Variants in AGAP1 observed in about 807,000 individuals in gnomAD.
The protein encoded by AGAP1 is arf-GAP with GTPase, ANK repeat and PH domain-containing protein 1.
In AGAP1, 29 loss-of-function variants were observed where a neutral mutation model predicts 105.3. The ratio of observed to expected loss-of-function variants is 0.28; its 90% confidence interval spans 0.21 to 0.38. The LOEUF (loss-of-function observed/expected upper bound fraction) is 0.38. AGAP1 is among the 10% of genes least tolerant of loss of function. The pLI is 1.00. For synonymous variants in AGAP1, 509 were observed against 485.9 expected, an observed-to-expected ratio of 1.05 and a Z score of -0.63; for missense variants, 998 against 1,165.1, an observed-to-expected ratio of 0.86 and a Z score of 2.09.
chr2:236,003,270 C>G lies in AGAP1; in HGVS notation c.1646-33291C>G, dbSNP rs2056199069. The stretch of plus-strand genomic sequence containing the variant: ...ATGTTGCCCAGGCTGGTCTCGAACT[C>G]CTGGCCTCAGGTGATCTGCCTGCCT... On this transcript the variant is annotated intron_variant, in intron 13 of 17. Coordinates refer to ENST00000304032, the MANE Select transcript of AGAP1 (RefSeq NM_001037131.3). This position sits in a 1 kb window ranked among gnomAD's most constrained non-coding sequence, Gnocchi z 4.2. Among the ~76,000 whole-genome samples the G allele has an allele frequency of 6.6e-6, 1 of 152,186 alleles. No homozygotes were observed. Among genetic ancestry groups the G allele is most frequent in the Non-Finnish European group, 1.5e-5 (1 of 68,034 alleles).
rs1203989351 is a variant in AGAP1 at position 235,690,010 on chromosome 2, A to G, written c.164-19169A>G. Among the ~76,000 whole-genome samples, 2 of 152,154 alleles carry G rather than the reference A, an allele frequency of 1.3e-5. No individual in the cohort carries two copies. The highest frequency in any genetic ancestry group is 2.4e-5 in the African/African-American group (1 of 41,430). On this transcript the variant is annotated intron_variant, in intron 1 of 17. Coordinates refer to ENST00000304032, the MANE Select transcript of AGAP1 (RefSeq NM_001037131.3). The surrounding 1 kb of genome is among the most constrained non-coding windows in gnomAD (Gnocchi z 4.1). ...ATCGCGTTGTTGCATGCGTTTGATG[A>G]AAGTGATATCACAGCAAATGCAAAG...
At chr2:235,820,765 A>C (rs1958745528) in intron 9 of AGAP1, among the ~76,000 whole-genome samples, 1 of 152,258 alleles carries the variant, frequency 6.6e-6, no homozygotes, top group Non-Finnish European at 1.5e-5. Context: ...GCAATGAGGA[A>C]CCACGAGAAG....
chr2:235,670,921 C>G, intron 1 of AGAP1: 1 of 1,337,674 alleles, frequency 7.5e-7, no homozygotes, highest in Non-Finnish European at 9.5e-7. Flanking sequence ...TCTTCGCGCG[C>G]AGGGACGGGG....
At chr2:235,767,261 AT>A (rs1200530805) in intron 6 of AGAP1, among the ~76,000 whole-genome samples, 3 of 141,658 alleles carry the variant, frequency 2.1e-5, no homozygotes, top group Non-Finnish European at 4.8e-5. Context: ...TTAGCCCATC[AT>A]TCTCTCTTAA....
intron 1 of AGAP1, among the ~76,000 whole-genome samples, chr2:235,513,240 C>CCGGGCGCTGGCG (rs1553555372): frequency 2.4e-4 from 37 of 151,376 alleles, no homozygotes; most frequent in Non-Finnish European, 5.5e-4. Context: ...GATCACTGTG[C>CCGGGCGCTGGCG]CGGGCGCGGG....
At position 235,799,236 on chromosome 2, in the gene AGAP1, C is replaced by T. The variant is rs374830399; in HGVS notation, c.802-131C>T. 1.5e-4 allele frequency: 149 copies of T among 1,008,004 alleles called. 1 individual carries two copies. The African/African-American group carries it at 1.5e-3, about 10-fold the overall frequency. 62.4% of individuals were successfully genotyped at this position (1,008,004 alleles called of 1,614,324 possible). A position where few individuals can be genotyped will look rare whatever the true frequency, so the allele number is the denominator to read the frequency against. ...CTAATACACCTGGCAAAGCCATAGA[C>T]GCAAGTCAGCCATTCCCATGCATCC... is the stretch of plus-strand genomic sequence containing the variant. On this transcript the variant is annotated intron_variant, in intron 7 of 17. Transcript: ENST00000304032. This position sits in a 1 kb window ranked among gnomAD's most constrained non-coding sequence, Gnocchi z 5.0.
chr2:235,874,211 C>T lies in AGAP1; in HGVS notation c.1051-9134C>T, dbSNP rs2049594207. Among the ~76,000 whole-genome samples the T allele has an allele frequency of 6.6e-6, 1 of 152,026 alleles. No individual in the cohort carries two copies. Among genetic ancestry groups the T allele is most frequent in the African/African-American group, 2.4e-5 (1 of 41,380 alleles). ...GTCTACAGGCGCACACCACCATGCCCAGCTAATTTTTTGCATTTTACTAGA... is the reference window on the plus strand; with the variant it reads ...GTCTACAGGCGCACACCACCATGCCTAGCTAATTTTTTGCATTTTACTAGA... On this transcript the variant is annotated intron_variant, in intron 9 of 17. Transcript: ENST00000304032. This position sits in a 1 kb window ranked among gnomAD's most constrained non-coding sequence, Gnocchi z 4.5.
rs1401472887 is a variant in AGAP1, at chr2:236,123,127, G to A, written c.2371-792G>A. On this transcript the variant is annotated intron_variant, in intron 17 of 17. Transcript: ENST00000304032. The surrounding 1 kb of genome is among the most constrained non-coding windows in gnomAD (Gnocchi z 4.6). ...CTCACTCTGTTGCCCAGGCTGGAGTGCAGTGGTGTGATGTCGGCCCACGGC... is the reference window on the plus strand; with the variant it reads ...CTCACTCTGTTGCCCAGGCTGGAGTACAGTGGTGTGATGTCGGCCCACGGC... Among the ~76,000 whole-genome samples the A allele has an allele frequency of 6.6e-6, 1 of 152,196 alleles. No individual in the cohort carries two copies. The highest frequency in any genetic ancestry group is 2.4e-5 in the African/African-American group (1 of 41,438).
rs904906097 is a variant in AGAP1 at position 236,109,143 on chromosome 2, C to T, written c.2115-11049C>T. 6.0e-5 allele frequency among the ~76,000 whole-genome samples: 9 copies of T among 150,006 alleles called. No individual in the cohort carries two copies. The highest frequency in any genetic ancestry group is 1.5e-4 in the African/African-American group (6 of 39,376). ...TTGTGTGTAGGTGTGACTCTCCCCG[C>T]GCTCTCCAGGTGTCCCCAGAGGTCT... On this transcript the variant is annotated intron_variant, in intron 16 of 17. Transcript: ENST00000304032. This position sits in a 1 kb window ranked among gnomAD's most constrained non-coding sequence, Gnocchi z 5.4.
At position 235,977,603 on chromosome 2, in the gene AGAP1, C is replaced by T. The variant is rs541160362; in HGVS notation, c.1645+8980C>T. Among the ~76,000 whole-genome samples the T allele has an allele frequency of 6.6e-6, 1 of 152,242 alleles. No individual in the cohort carries two copies. The highest frequency in any genetic ancestry group is 2.1e-4 in the South Asian group (1 of 4,806). On this transcript the variant is annotated intron_variant, in intron 13 of 17. Transcript: ENST00000304032. This position sits in a 1 kb window ranked among gnomAD's most constrained non-coding sequence, Gnocchi z 5.2. ...TGTTAGACACATGCGGCCTGGGCTT[C>T]AGGAAGTAGAGATGCCCGGGGGTTA...
rs76321636 is a variant in AGAP1, at chr2:236,012,599, C to T, written c.1646-23962C>T. On this transcript the variant is annotated intron_variant, in intron 13 of 17. Transcript: ENST00000304032. The surrounding 1 kb of genome is among the most constrained non-coding windows in gnomAD (Gnocchi z 4.9). ...CGGTGGGTACCTGAAGATCCTTTTC[C>T]CAGGTTTGGAGTTACCTGAGACAGA... is the stretch of plus-strand genomic sequence containing the variant. 1.5e-3 allele frequency among the ~76,000 whole-genome samples: 224 copies of T among 152,156 alleles called. 3 individuals carry two copies. In the East Asian group the frequency reaches 0.032, roughly 22 times the overall value.
chr2:236,007,647 A>G (rs2056367268), intron 13 of AGAP1, among the ~76,000 whole-genome samples: 1 of 152,264 alleles, frequency 6.6e-6, no homozygotes, highest in African/African-American at 2.4e-5. Context: ...TGTTTAAGAA[A>G]AAAGAACCAA....
rs1050733601 is a variant in AGAP1 at position 235,621,414 on chromosome 2, A to C, written c.164-87765A>C. Reference sequence around the variant, plus strand: ...TCTACCTCCCAGAGTGGTTGGGGTTACGTGAAGTAAGCTTAGACACGGCCG... The same window carrying C: ...TCTACCTCCCAGAGTGGTTGGGGTTCCGTGAAGTAAGCTTAGACACGGCCG... On this transcript the variant is annotated intron_variant, in intron 1 of 17. Coordinates refer to ENST00000304032, the MANE Select transcript of AGAP1 (RefSeq NM_001037131.3). The surrounding 1 kb of genome is among the most constrained non-coding windows in gnomAD (Gnocchi z 4.1). 3.3e-5 allele frequency among the ~76,000 whole-genome samples: 5 copies of C among 152,198 alleles called. No homozygotes were observed. Among genetic ancestry groups the C allele is most frequent in the African/African-American group, 1.2e-4 (5 of 41,446 alleles).
In AGAP1 at chr2:235,653,357, G is replaced by T. The variant is rs553893170; in HGVS notation, c.164-55822G>T. Reference sequence around the variant, plus strand: ...CGGGCACCTGTGGTCCCAGCTACTCGGGAGGCTGAGGCAGGAGAATGGCAT... The same window carrying T: ...CGGGCACCTGTGGTCCCAGCTACTCTGGAGGCTGAGGCAGGAGAATGGCAT... On this transcript the variant is annotated intron_variant, in intron 1 of 17. Transcript: ENST00000304032. Among the ~76,000 whole-genome samples the T allele has an allele frequency of 5.9e-5, 9 of 151,570 alleles. No individual in the cohort carries two copies. In the South Asian group the frequency reaches 1.7e-3, roughly 28 times the overall value.
chr2:235,770,710 A>T (rs931567780), intron 6 of AGAP1, among the ~76,000 whole-genome samples: 4 of 151,744 alleles, frequency 2.6e-5, no homozygotes, highest in Non-Finnish European at 5.9e-5. Flanking sequence ...GTGGATTTTG[A>T]GAAAAAAATT....
chr2:235,497,787 G>A (rs761846251), intron 1 of AGAP1, among the ~76,000 whole-genome samples: 3 of 152,110 alleles, frequency 2.0e-5, no homozygotes, highest in Admixed American at 6.5e-5. Context: ...TAGTAGAGAC[G>A]GGGTTTCATT....
At chr2:236,034,816 C>T (rs1473800022) in intron 13 of AGAP1, among the ~76,000 whole-genome samples, 3 of 152,216 alleles carry the variant, frequency 2.0e-5, no homozygotes, top group African/African-American at 7.2e-5. Context: ...GGCACAGTGG[C>T]TGTCAGCACC....
chr2:235,952,273 G>A (rs542886201), intron 12 of AGAP1, among the ~76,000 whole-genome samples: 28 of 82,840 alleles, frequency 3.4e-4, no homozygotes, highest in Non-Finnish European at 5.8e-4. Context: ...GTCATTTGCA[G>A]TGGCCCAGCA....
chr2:235,887,485 G>A lies in AGAP1; in HGVS notation c.1155+4036G>A, dbSNP rs1214943300. ...TAGATGTTAACCTGTCAGTGGACCA[G>A]AATAACTCCCTGTTTTACACTAGAG... On this transcript the variant is annotated intron_variant, in intron 10 of 17. Transcript: ENST00000304032. The surrounding 1 kb of genome is among the most constrained non-coding windows in gnomAD (Gnocchi z 4.1). Among the ~76,000 whole-genome samples, 1 of 152,176 alleles carries A rather than the reference G, an allele frequency of 6.6e-6. No individual in the cohort carries two copies. Among genetic ancestry groups the A allele is most frequent in the Non-Finnish European group, 1.5e-5 (1 of 68,042 alleles).
Sources: gnomAD v4.1 joint callset for allele counts (sites outside exome capture counted in the v4.1 genomes callset) on GRCh38, gnomAD v4.1.1 for gene constraint, Gnocchi (gnomAD v3.1) non-coding constraint, MANE v1.5 for transcripts, NCBI Gene and HGNC (gene_info 2026-07-23, HGNC 2026-07-21) for gene names.